Variants in PRELID2 observed in about 807,000 individuals in gnomAD.
PRELID2 encodes PRELI domain containing 2, also known as PRELI domain-containing protein 2.
Under a neutral mutation model 28.4 loss-of-function variants are expected in PRELID2, and 25 were observed. The observed-to-expected ratio is 0.88, with a 90% CI of 0.64 to 1.23. The LOEUF (loss-of-function observed/expected upper bound fraction) is 1.23. Ranked by LOEUF, PRELID2 falls within the 50% of genes most tolerant of loss-of-function variation. PRELID2 has a pLI of 0.00. For missense variants in PRELID2, 201 were observed against 214.4 expected, an observed-to-expected ratio of 0.94 and a Z score of 0.39; for synonymous variants, 76 against 71.6, an observed-to-expected ratio of 1.06 and a Z score of -0.31.
intron 1 of PRELID2, among the ~76,000 whole-genome samples, chr5:145,643,410 G>T (rs780883723): frequency 2.0e-5 from 3 of 152,170 alleles, no homozygotes; most frequent in Non-Finnish European, 4.4e-5. Context: ...AGGAGATTTT[G>T]GGCTGAGAAG....
the PRELID2 span, among the ~76,000 whole-genome samples, chr5:145,388,294 G>A: frequency 6.6e-6 from 1 of 152,180 alleles, no homozygotes; most frequent in African/African-American, 2.4e-5. Flanking sequence ...GAATAAATGT[G>A]TAACTTGTCC....
intron 4 of PRELID2, among the ~76,000 whole-genome samples, chr5:145,806,005 A>G (rs1753479172): frequency 6.6e-6 from 1 of 152,178 alleles, no homozygotes; most frequent in African/African-American, 2.4e-5. Flanking sequence ...TACCGAGGTC[A>G]CTCTGCATAA....
At chr5:145,704,227 C>G (rs1438612722) in intron 1 of PRELID2, 1 of 152,218 alleles carries the variant, frequency 6.6e-6, no homozygotes, top group East Asian at 1.9e-4. Flanking sequence ...GATCAAAACT[C>G]TAAGCACAGC....
At chr5:145,486,313 T>C in intron 1 of PRELID2, among the ~76,000 whole-genome samples, 1 of 152,236 alleles carries the variant, frequency 6.6e-6, no homozygotes, top group East Asian at 1.9e-4. Flanking sequence ...TTAGAGTCAG[T>C]AAGGATAAGA....
the PRELID2 span, among the ~76,000 whole-genome samples, chr5:145,239,602 A>T: frequency 6.6e-6 from 1 of 152,062 alleles, no homozygotes; most frequent in Non-Finnish European, 1.5e-5. Flanking sequence ...AATCAAATTG[A>T]TGCCTCGCTC....
the PRELID2 span, among the ~76,000 whole-genome samples, chr5:145,420,213 G>A: frequency 6.6e-6 from 1 of 152,114 alleles, no homozygotes; most frequent in Non-Finnish European, 1.5e-5. Context: ...TGGCGATGCG[G>A]GCTCTTTTTT....
intron 1 of PRELID2, among the ~76,000 whole-genome samples, chr5:145,623,257 G>A (rs1272831854): frequency 7.3e-5 from 11 of 151,432 alleles, no homozygotes; most frequent in East Asian, 1.9e-4. Context: ...GAGACCAGCC[G>A]GCCAACATGG....
intron 1 of PRELID2, among the ~76,000 whole-genome samples, chr5:145,537,318 C>A (rs1752707509): frequency 6.6e-6 from 1 of 151,850 alleles, no homozygotes; most frequent in African/African-American, 2.4e-5. Flanking sequence ...ATACTGATTT[C>A]CTTTCCTTTA....
At chr5:145,761,671 C>A (rs1195112109) in intron 6 of PRELID2, among the ~76,000 whole-genome samples, 7 of 152,172 alleles carry the variant, frequency 4.6e-5, no homozygotes, top group Admixed American at 4.6e-4. Context: ...AACTATTCAA[C>A]TCTGCAGTTG....
At chr5:145,338,312 G>A in the PRELID2 span, 1 of 152,092 alleles carries the variant, frequency 6.6e-6, no homozygotes, top group Non-Finnish European at 1.5e-5. Flanking sequence ...TGCAGTGTGT[G>A]CACTTGGACT....
chr5:145,696,058 T>C (rs1755253936), intron 1 of PRELID2, among the ~76,000 whole-genome samples: 1 of 151,990 alleles, frequency 6.6e-6, no homozygotes, highest in Non-Finnish European at 1.5e-5. Flanking sequence ...TTTCTAAATA[T>C]GCATATATAA....
intron 1 of PRELID2, among the ~76,000 whole-genome samples, chr5:145,573,777 CTT>C (rs1274519215): frequency 6.6e-6 from 1 of 152,146 alleles, no homozygotes; most frequent in Non-Finnish European, 1.5e-5. Flanking sequence ...GGTTCCAAGA[CTT>C]TGCTACTGTG....
chr5:145,752,292 A>G (rs1757143407), downstream of PRELID2, among the ~76,000 whole-genome samples: 2 of 152,238 alleles, frequency 1.3e-5, no homozygotes, highest in Admixed American at 1.3e-4. Context: ...AACAAGTTAC[A>G]ATGCTGGCTT....
chr5:145,817,422 TATATATATATATATATA>T (rs1754434011), intron 4 of PRELID2, among the ~76,000 whole-genome samples: 1 of 24,426 alleles, frequency 4.1e-5, no homozygotes, highest in African/African-American at 2.3e-4. Flanking sequence ...AAGCTAGTTT[TATATATATATATATATA>T]TATATATATC....
the PRELID2 span, among the ~76,000 whole-genome samples, chr5:145,341,230 A>G: frequency 6.6e-6 from 1 of 152,164 alleles, no homozygotes; most frequent in Non-Finnish European, 1.5e-5. Flanking sequence ...AGAGAAATAC[A>G]ATAATTCTCT....
At chr5:145,741,370 A>T (rs1756730919) in intron 1 of PRELID2, among the ~76,000 whole-genome samples, 1 of 116,338 alleles carries the variant, frequency 8.6e-6, no homozygotes, top group South Asian at 2.7e-4. Flanking sequence ...TTATTTATAT[A>T]TAAATTTTAT....
chr5:145,614,695 G>T (rs1414933410), intron 1 of PRELID2, among the ~76,000 whole-genome samples: 5 of 152,148 alleles, frequency 3.3e-5, no homozygotes, highest in African/African-American at 1.2e-4. Context: ...CAGAAACTTT[G>T]CTGAATTATT....
chr5:145,559,932 TA>T (rs1382131963), intron 1 of PRELID2, among the ~76,000 whole-genome samples: 1 of 152,080 alleles, frequency 6.6e-6, no homozygotes, highest in Non-Finnish European at 1.5e-5. Flanking sequence ...CTCCTCGACT[TA>T]TGGTGGGGTC....
the PRELID2 span, among the ~76,000 whole-genome samples, chr5:145,401,053 A>G: frequency 1.3e-5 from 2 of 152,054 alleles, no homozygotes; most frequent in African/African-American, 4.8e-5. Flanking sequence ...CAGATATCCA[A>G]GGATCACTTC....
Sources: gnomAD v4.1 joint callset for allele counts (sites outside exome capture counted in the v4.1 genomes callset) on GRCh38, gnomAD v4.1.1 for gene constraint, MANE v1.5 for transcripts, NCBI Gene and HGNC (gene_info 2026-07-23, HGNC 2026-07-21) for gene names.